Variants in FARS2 observed in about 807,000 individuals in gnomAD.
FARS2 encodes phenylalanine--tRNA ligase, mitochondrial.
FARS2 carries 40 observed loss-of-function variants against 46.4 expected under a neutral mutation model. That is an observed-to-expected ratio of 0.86 (90% CI 0.67 to 1.12). The LOEUF is 1.12. FARS2 is among the 50% of genes most tolerant of loss of function. FARS2 has a pLI of 0.00. For synonymous variants in FARS2, 234 were observed against 214.9 expected (o/e 1.09, Z -0.78); for missense variants, 513 against 567.9 (o/e 0.90, Z 0.98).
chr6:5,743,094 T>C (rs1761443405), intron 6 of FARS2, among the ~76,000 whole-genome samples: 1 of 152,222 alleles, frequency 6.6e-6, no homozygotes, highest in South Asian at 2.1e-4. Context: ...CCTTGTAGGC[T>C]ATGTCCAGGT....
Position 5,482,366 on chromosome 6 carries a change from T to C in FARS2, c.904+51194T>C, listed in dbSNP as rs556995556. Reference sequence around the variant, plus strand: ...TGGTTTAACTGACCAGGACTGTTGCTGGATTAAATGAAGTAAGGTGAGGCA... The same window carrying C: ...TGGTTTAACTGACCAGGACTGTTGCCGGATTAAATGAAGTAAGGTGAGGCA... On this transcript the variant is annotated intron_variant, in intron 4 of 6. Coordinates refer to ENST00000274680, the MANE Select transcript of FARS2 (RefSeq NM_006567.5). 1.8e-4 allele frequency among the ~76,000 whole-genome samples: 28 copies of C among 152,320 alleles called. No homozygotes were observed. In the South Asian group the frequency reaches 5.6e-3, roughly 30 times the overall value.
At chr6:5,435,663 G>C (rs2127777489) in intron 4 of FARS2, among the ~76,000 whole-genome samples, 1 of 152,206 alleles carries the variant, frequency 6.6e-6, no homozygotes, top group African/African-American at 2.4e-5. Flanking sequence ...CCTCCCACTG[G>C]GTTGACTCAG....
chr6:5,394,177 C>T (rs1298051729), intron 2 of FARS2, among the ~76,000 whole-genome samples: 1 of 152,218 alleles, frequency 6.6e-6, no homozygotes, highest in African/African-American at 2.4e-5. Flanking sequence ...TACACGCACA[C>T]AGTCCTGCAC....
intron 3 of FARS2, among the ~76,000 whole-genome samples, chr6:5,426,492 TAC>T (rs1266597298): frequency 1.3e-5 from 2 of 152,204 alleles, no homozygotes; most frequent in Non-Finnish European, 2.9e-5. Flanking sequence ...TAATAATACC[TAC>T]AGTAATTTTG....
intron 1 of FARS2, among the ~76,000 whole-genome samples, chr6:5,357,449 A>C (rs1758003895): frequency 6.6e-6 from 1 of 152,206 alleles, no homozygotes; most frequent in African/African-American, 2.4e-5. Context: ...TAGCATCCTA[A>C]CTAGTAAGTT....
chr6:5,259,412 C>T (rs1764845089), upstream of FARS2, among the ~76,000 whole-genome samples: 1 of 152,214 alleles, frequency 6.6e-6, no homozygotes, highest in South Asian at 2.1e-4. Context: ...TAAAATCATT[C>T]TCTCCCGTGA....
intron 1 of FARS2, among the ~76,000 whole-genome samples, chr6:5,271,145 A>C (rs190693914): frequency 6.6e-6 from 1 of 152,176 alleles, no homozygotes; most frequent in East Asian, 1.9e-4. Flanking sequence ...GATGTTGCCA[A>C]AGATTCAATT....
chr6:5,260,598 T>TCCCCCGCCCCCCGGCCCCCCCC, upstream of FARS2: 1 of 1,105,570 alleles, frequency 9.0e-7, no homozygotes, highest in African/African-American at 1.7e-5. Flanking sequence ...GCACCCCCGG[T>TCCCCCGCCCCCCGGCCCCCCCC]CCCCGGCCCC....
intron 4 of FARS2, among the ~76,000 whole-genome samples, chr6:5,509,368 C>T (rs1042613370): frequency 2.6e-5 from 4 of 152,202 alleles, no homozygotes; most frequent in Non-Finnish European, 4.4e-5. Context: ...ATTAAAGCAG[C>T]GGCCCCTCCG....
chr6:5,724,565 T>C (rs148013066), intron 6 of FARS2, among the ~76,000 whole-genome samples: 83 of 152,214 alleles, frequency 5.5e-4, no homozygotes, highest in African/African-American at 2.0e-3. Context: ...GGAGAACTCC[T>C]CTCATGACTG....
At chr6:5,691,785 G>C (rs772297141) in intron 6 of FARS2, among the ~76,000 whole-genome samples, 1 of 152,234 alleles carries the variant, frequency 6.6e-6, no homozygotes, top group Non-Finnish European at 1.5e-5. Flanking sequence ...TGCCCCCAGA[G>C]GTAGAGTCTA....
chr6:5,262,898 C>A (rs1309312456), intron 1 of FARS2, among the ~76,000 whole-genome samples: 7 of 152,052 alleles, frequency 4.6e-5, no homozygotes, highest in African/African-American at 1.7e-4. Context: ...TTGAGTTTTC[C>A]CTTTGCTATT....
intron 6 of FARS2, among the ~76,000 whole-genome samples, chr6:5,675,639 A>G (rs1156385804): frequency 6.6e-6 from 1 of 152,234 alleles, no homozygotes; most frequent in Non-Finnish European, 1.5e-5. Flanking sequence ...TTGTGTCTCC[A>G]AGTTTCTGAA....
intron 4 of FARS2, among the ~76,000 whole-genome samples, chr6:5,448,471 GTT>G (rs35279187): frequency 6.9e-6 from 1 of 145,526 alleles, no homozygotes; most frequent in African/African-American, 2.5e-5. Flanking sequence ...CATTTTTTCT[GTT>G]TTTTTTTTTT....
At chr6:5,320,704 G>C (rs1186487359) in intron 1 of FARS2, among the ~76,000 whole-genome samples, 1 of 152,212 alleles carries the variant, frequency 6.6e-6, no homozygotes, top group African/African-American at 2.4e-5. Context: ...CAGTGTCAAA[G>C]GGAGTTTGTT....
At chr6:5,435,938 C>T (rs887834990) in intron 4 of FARS2, among the ~76,000 whole-genome samples, 3 of 152,226 alleles carry the variant, frequency 2.0e-5, no homozygotes, top group Admixed American at 2.0e-4. Context: ...TGAACAGCTT[C>T]CGGTTTTGAA....
chr6:5,540,532 A>G (rs1770561313), intron 4 of FARS2, among the ~76,000 whole-genome samples: 1 of 152,164 alleles, frequency 6.6e-6, no homozygotes, highest in South Asian at 2.1e-4. Context: ...ATTCATTCGC[A>G]CTGTCGTGTC....
At chr6:5,486,427 T>A (rs1000126221) in intron 4 of FARS2, among the ~76,000 whole-genome samples, 1 of 152,150 alleles carries the variant, frequency 6.6e-6, no homozygotes, top group Admixed American at 6.5e-5. Flanking sequence ...TTCAGGTGAG[T>A]TCTCACTCTG....
chr6:5,653,478 C>T lies in FARS2; in HGVS notation c.1217+40158C>T, dbSNP rs4960122. Among the ~76,000 whole-genome samples the T allele has an allele frequency of 0.41, 62,885 of 152,114 alleles. 13,670 individuals are homozygous for T. The highest frequency in any genetic ancestry group is 0.57 in the East Asian group (2,969 of 5,166). On this transcript the variant is annotated intron_variant, in intron 6 of 6. Coordinates refer to ENST00000274680, the MANE Select transcript of FARS2 (RefSeq NM_006567.5). The stretch of plus-strand genomic sequence containing the variant: ...GGACCAGCTGCAGTGGGTATAATGA[C>T]GAGTAAAGCAGGCTCAGCCCTTAGC...
Sources: gnomAD v4.1 joint callset for allele counts (sites outside exome capture counted in the v4.1 genomes callset) on GRCh38, gnomAD v4.1.1 for gene constraint, MANE v1.5 for transcripts, NCBI Gene and HGNC (gene_info 2026-07-23, HGNC 2026-07-21) for gene names.